Variants in UNC5D observed in about 807,000 individuals in gnomAD.
UNC5D encodes unc-5 netrin receptor D.
In UNC5D, 39 loss-of-function variants were observed where a neutral mutation model predicts 105.4. That is an observed-to-expected ratio of 0.37 (90% confidence interval 0.29 to 0.48). The LOEUF (loss-of-function observed/expected upper bound fraction) is 0.48. Among genes scored for constraint, UNC5D ranks in the 20% least tolerant of loss-of-function variants. The pLI is 0.98. For missense variants in UNC5D, 991 were observed against 1,202.4 expected, an observed-to-expected ratio of 0.82 and a Z score of 2.60; for synonymous variants, 452 against 450.4, an observed-to-expected ratio of 1.00 and a Z score of -0.04.
At chr8:35,416,387 A>AT (rs1189362079) in intron 1 of UNC5D, among the ~76,000 whole-genome samples, 4 of 151,958 alleles carry the variant, frequency 2.6e-5, no homozygotes, top group South Asian at 2.1e-4. Context: ...TAATGCACTG[A>AT]TTTTTTTTCT....
At chr8:35,379,437 A>G (rs1316148290) in intron 1 of UNC5D, among the ~76,000 whole-genome samples, 2 of 152,098 alleles carry the variant, frequency 1.3e-5, no homozygotes, top group Non-Finnish European at 2.9e-5. Flanking sequence ...TTTCTACCCT[A>G]AGAGACTGAG....
In UNC5D at chr8:35,796,429, C is replaced by CAAAAAAAAA. The variant is rs1160651781; in HGVS notation, c.*5881_*5889dup. 1 of 61,788 alleles carries CAAAAAAAAA rather than the reference C, an allele frequency of 1.6e-5. No individual in the cohort carries two copies. The highest frequency in any genetic ancestry group is 2.0e-4 in the Admixed American group (1 of 5,122). The allele number at this position is 61,788 out of a possible 1,614,324, so 3.8% of individuals were successfully genotyped here. On this transcript the variant is annotated 3_prime_UTR_variant, in exon 17 of 17. Coordinates refer to ENST00000404895, the MANE Select transcript of UNC5D (RefSeq NM_080872.4). ...GTTTGGATGTTTTATGTCGAGTTTG[C>CAAAAAAAAA]AAAAAAAAAAAAAAAAAAAAAAACT...
chr8:35,495,498 A>T (rs756803589), intron 1 of UNC5D, among the ~76,000 whole-genome samples: 2 of 151,198 alleles, frequency 1.3e-5, no homozygotes, highest in Non-Finnish European at 2.9e-5. Context: ...AAATCTCATA[A>T]TGTGTTAAGA....
At chr8:35,375,214 T>A (rs1224465867) in intron 1 of UNC5D, among the ~76,000 whole-genome samples, 2 of 152,206 alleles carry the variant, frequency 1.3e-5, no homozygotes, top group East Asian at 3.8e-4. Flanking sequence ...GAAAGCTTTA[T>A]GAGTTTTCTC....
chr8:35,534,320 T>TA (rs1481563537), intron 1 of UNC5D, among the ~76,000 whole-genome samples: 1 of 152,160 alleles, frequency 6.6e-6, no homozygotes, highest in African/African-American at 2.4e-5. Flanking sequence ...AAACACTGTC[T>TA]AAACACAGAT....
In UNC5D at chr8:35,602,996, C is replaced by T. The variant is rs544445032; in HGVS notation, c.570+7339C>T. ...GTGTTTGGTTTTTTCAGAAAACCAG[C>T]TGCTGGATTCATTGATTTTTTTGAA... On this transcript the variant is annotated intron_variant, in intron 4 of 16. Transcript: ENST00000404895. Among the ~76,000 whole-genome samples the T allele has an allele frequency of 5.3e-5, 8 of 151,940 alleles. No homozygotes were observed. The East Asian group carries it at 1.6e-3, about 30-fold the overall frequency.
intron 1 of UNC5D, among the ~76,000 whole-genome samples, chr8:35,355,096 T>C (rs1801474771): frequency 6.6e-6 from 1 of 152,114 alleles, no homozygotes; most frequent in African/African-American, 2.4e-5. Context: ...ATTCTATTGG[T>C]TAGTGCAGTT....
chr8:35,546,767 T>G (rs1001241779), intron 1 of UNC5D, among the ~76,000 whole-genome samples: 3 of 152,190 alleles, frequency 2.0e-5, no homozygotes, highest in African/African-American at 7.2e-5. Flanking sequence ...ATGTGATTTA[T>G]TTTATGAAAT....
chr8:35,379,412 A>G (rs762198745), intron 1 of UNC5D, among the ~76,000 whole-genome samples: 3 of 152,184 alleles, frequency 2.0e-5, no homozygotes, highest in Non-Finnish European at 2.9e-5. Context: ...TCTGAACATC[A>G]TCTTCACTCT....
intron 2 of UNC5D, among the ~76,000 whole-genome samples, chr8:35,553,247 T>G (rs901779970): frequency 6.6e-6 from 1 of 152,064 alleles, no homozygotes; most frequent in Non-Finnish European, 1.5e-5. Context: ...TGTTATTGCT[T>G]CCCCCTTTTA....
intron 4 of UNC5D, among the ~76,000 whole-genome samples, chr8:35,676,859 T>C (rs1011956818): frequency 6.6e-5 from 10 of 152,046 alleles, no homozygotes; most frequent in Admixed American, 1.3e-4. Context: ...TGTATTGTGG[T>C]TTTTGTGGAC....
intron 1 of UNC5D, among the ~76,000 whole-genome samples, chr8:35,374,294 G>A (rs1802572696): frequency 6.6e-6 from 1 of 152,130 alleles, no homozygotes; most frequent in African/African-American, 2.4e-5. Context: ...ATGATGATGT[G>A]ATGTTAGAGT....
chr8:35,463,081 G>A (rs572930277), intron 1 of UNC5D, among the ~76,000 whole-genome samples: 1 of 152,252 alleles, frequency 6.6e-6, no homozygotes, highest in Admixed American at 6.5e-5. Context: ...TTTCTGGCAG[G>A]ACTATAACGT....
intron 1 of UNC5D, among the ~76,000 whole-genome samples, chr8:35,418,029 A>G (rs945484567): frequency 5.9e-5 from 9 of 152,072 alleles, no homozygotes; most frequent in Admixed American, 1.3e-4. Context: ...GAGTCCATTC[A>G]TTTCTCATTT....
intron 4 of UNC5D, among the ~76,000 whole-genome samples, chr8:35,645,306 T>A (rs1451427588): frequency 2.6e-5 from 4 of 152,180 alleles, no homozygotes; most frequent in Non-Finnish European, 5.9e-5. Flanking sequence ...TGCAGGAAGC[T>A]GAAGCAGCAG....
chr8:35,766,363 G>C (rs146611284), intron 14 of UNC5D, among the ~76,000 whole-genome samples: 63 of 152,066 alleles, frequency 4.1e-4, no homozygotes, highest in African/African-American at 1.4e-3. Context: ...GTGTGTATAT[G>C]TGTGTGATTT....
At chr8:35,657,040 A>G (rs985379845) in intron 4 of UNC5D, among the ~76,000 whole-genome samples, 3 of 112,170 alleles carry the variant, frequency 2.7e-5, no homozygotes. Context: ...GCTGGAGTGC[A>G]GTGGAGTGTG....
chr8:35,273,039 G>C (rs913389468), intron 1 of UNC5D, among the ~76,000 whole-genome samples: 3 of 152,214 alleles, frequency 2.0e-5, no homozygotes, highest in Non-Finnish European at 4.4e-5. Context: ...TTGTGGGTGA[G>C]GAGGGCTCAT....
At chr8:35,710,546 A>G (rs1411825298) in intron 8 of UNC5D, among the ~76,000 whole-genome samples, 1 of 152,130 alleles carries the variant, frequency 6.6e-6, no homozygotes, top group African/African-American at 2.4e-5. Context: ...GGCTGGTACC[A>G]TAAATTTGGG....
Sources: allele counts gnomAD v4.1 joint callset (sites outside exome capture counted in the v4.1 genomes callset), GRCh38; gene constraint gnomAD v4.1.1; transcripts MANE v1.5; gene names NCBI Gene and HGNC (gene_info 2026-07-23, HGNC 2026-07-21).